RAD54L: variants seen among roughly 807,000 people sequenced by gnomAD.
RAD54L encodes the protein RAD54 like.
In RAD54L, 74 loss-of-function variants were observed where a neutral mutation model predicts 91.6. That is an observed-to-expected ratio of 0.81 (90% CI 0.67 to 0.98). The LOEUF (loss-of-function observed/expected upper bound fraction) is 0.98. RAD54L is among the 50% of genes least tolerant of loss of function. The pLI is 0.00. For synonymous variants in RAD54L, 304 were observed against 349.7 expected (o/e 0.87, Z 1.46); for missense variants, 887 against 945.7 (o/e 0.94, Z 0.81).
chr1:46,257,143 C>CAAA (rs576146179), intron 3 of RAD54L, among the ~76,000 whole-genome samples: 17 of 54,340 alleles, frequency 3.1e-4, no homozygotes, highest in African/African-American at 7.7e-4. Flanking sequence ...GACTCCATCT[C>CAAA]AAAAAAAAAA....
At chr1:46,269,657 C>T (rs1278208083) in intron 9 of RAD54L, among the ~76,000 whole-genome samples, 1 of 152,214 alleles carries the variant, frequency 6.6e-6, no homozygotes, top group Non-Finnish European at 1.5e-5. Flanking sequence ...TATACACCTA[C>T]TGCCTGCCAT....
At chr1:46,269,177 A>G (rs574535056) in intron 9 of RAD54L, among the ~76,000 whole-genome samples, 2 of 152,026 alleles carry the variant, frequency 1.3e-5, no homozygotes, top group South Asian at 4.2e-4. Flanking sequence ...ATGTTCATAT[A>G]TGTGTTGCTC....
At chr1:46,250,621 G>A (rs566569040) in intron 3 of RAD54L, among the ~76,000 whole-genome samples, 2 of 152,294 alleles carry the variant, frequency 1.3e-5, no homozygotes, top group East Asian at 3.9e-4. Flanking sequence ...GGAATGTTTT[G>A]AAGGAAAAGT....
chr1:46,260,409 A>T, intron 5 of RAD54L, 133 bp from the exon 6 acceptor site: 1 of 1,001,634 alleles, frequency 1.0e-6, no homozygotes, highest in Non-Finnish European at 1.6e-6. Flanking sequence ...CTATGGTTTT[A>T]CGATTTATCA....
intron 9 of RAD54L, 134 bp downstream of exon 9, chr1:46,267,743 C>T (rs1660306768): frequency 4.0e-6 from 5 of 1,245,620 alleles, no homozygotes; most frequent in Middle Eastern, 2.6e-4. Flanking sequence ...AGGAAGGCTT[C>T]TCTTGTCAGG....
Position 46,248,383 on chromosome 1 carries a change from C to T in RAD54L, c.-23C>T, listed in dbSNP as rs768807845. On this transcript the variant is annotated 5_prime_UTR_variant, in exon 1 of 18. In the 5' UTR this introduces an upstream ATG that the reference lacks. Transcript: ENST00000371975. ...TGACCTTTGGCTCATGGGTACTTGA[C>T]GTTTTAAACTCCTAGGCCCAGGATG... The T allele has an allele frequency of 6.2e-7, 1 of 1,613,496 alleles. No individual in the cohort carries two copies. The highest frequency in any genetic ancestry group is 1.1e-5 in the South Asian group (1 of 91,020).
rs1457825036 is a variant in RAD54L, at chr1:46,277,836, A to T, written c.1889A>T (p.Lys630Met). 6.2e-7 allele frequency: 1 copy of T among 1,611,356 alleles called. No homozygotes were observed. Among genetic ancestry groups the T allele is most frequent in the Admixed American group, 1.7e-5 (1 of 60,016 alleles). The change falls in exon 17 of 18, where the codon AAG (lysine) becomes ATG (methionine). Residue 630 changes from lysine to methionine, a missense_variant. Transcript: ENST00000371975. ...CCCCAGGCAGGGACCATTGAGGAGA[A>T]GATCTTCCAGCGTCAGAGCCACAAG... Reference protein sequence around the residue: ...RLLSAGTIEEKIFQRQSHKKA... With the variant: ...RLLSAGTIEEMIFQRQSHKKA...
chr1:46,273,376 A>T lies in RAD54L; in HGVS notation c.1397A>T (p.Lys466Met). Residue 466 changes from lysine (K) to methionine (M), a missense_variant, in exon 13 of 18, where the codon AAG (lysine) becomes ATG (methionine). Transcript: ENST00000371975. ...CCAGATCCAGCTCTAATCTATGATAAGTGTGTGGAAGAGGAGGATGGCTTT... is the reference window on the plus strand; with the variant it reads ...CCAGATCCAGCTCTAATCTATGATATGTGTGTGGAAGAGGAGGATGGCTTT... The part of the protein sequence containing the change: ...LCNHPALIYD[K>M]CVEEEDGFVG... 1 of 1,613,276 alleles carries T rather than the reference A, an allele frequency of 6.2e-7. No homozygotes were observed. The highest frequency in any genetic ancestry group is 8.5e-7 in the Non-Finnish European group (1 of 1,179,208).
intron 8 of RAD54L, among the ~76,000 whole-genome samples, chr1:46,262,835 C>T (rs1271945739): frequency 6.6e-6 from 1 of 152,054 alleles, no homozygotes; most frequent in Admixed American, 6.6e-5. Context: ...ATTTTGTTTT[C>T]CTTTCACAGG....
At chr1:46,277,091 G>A (rs1660630005) in intron 16 of RAD54L, among the ~76,000 whole-genome samples, 1 of 152,160 alleles carries the variant, frequency 6.6e-6, no homozygotes, top group Non-Finnish European at 1.5e-5. Flanking sequence ...CACCGTGCCT[G>A]TCCCCAAGGT....
intron 8 of RAD54L, among the ~76,000 whole-genome samples, chr1:46,264,396 C>T (rs1212791002): frequency 2.6e-5 from 4 of 152,238 alleles, no homozygotes; most frequent in Non-Finnish European, 5.9e-5. Context: ...CTCCCAGTAA[C>T]GCTTTTCTCT....
chr1:46,268,437 G>T (rs1660326873), intron 9 of RAD54L, among the ~76,000 whole-genome samples: 1 of 152,184 alleles, frequency 6.6e-6, no homozygotes, highest in Non-Finnish European at 1.5e-5. Flanking sequence ...TCAAGAGTAG[G>T]CAGAGAACCT....
At chr1:46,277,079 G>A (rs543626766) in intron 16 of RAD54L, among the ~76,000 whole-genome samples, 1 of 152,278 alleles carries the variant, frequency 6.6e-6, no homozygotes, top group South Asian at 2.1e-4. Context: ...ACAGGCGTGA[G>A]CCACCGTGCC....
chr1:46,249,180 G>A (rs745469456), intron 2 of RAD54L, among the ~76,000 whole-genome samples: 9 of 152,216 alleles, frequency 5.9e-5, no homozygotes, highest in Non-Finnish European at 8.8e-5. Flanking sequence ...AGCAGTTCAA[G>A]AAGTGGGGGC....
At chr1:46,272,628 G>A (rs1053895290) in intron 11 of RAD54L, 44 bp from the exon 12 acceptor site, 2 of 1,614,024 alleles carry the variant, frequency 1.2e-6, no homozygotes, top group African/African-American at 1.3e-5. Flanking sequence ...CAGAGGGCAG[G>A]AGGGTGGTCT....
In RAD54L at chr1:46,263,984, A is replaced by T. The variant is rs1308103585; in HGVS notation, c.891+2599A>T. On this transcript the variant is annotated intron_variant, in intron 8 of 17. Coordinates refer to ENST00000371975, the MANE Select transcript of RAD54L (RefSeq NM_003579.4). The surrounding 1 kb of genome is among the most constrained non-coding windows in gnomAD (Gnocchi z 4.3). ...GCTAATTTTTGTATTTTTAGTAGAG[A>T]TGGGGTTTCACCATGTTGGCCAGGC... 6.6e-6 allele frequency among the ~76,000 whole-genome samples: 1 copy of T among 152,106 alleles called. No homozygotes were observed. Among genetic ancestry groups the T allele is most frequent in the African/African-American group, 2.4e-5 (1 of 41,428 alleles).
rs372007047 is a variant in RAD54L, at chr1:46,278,268, C to T, written c.2230C>T (p.Arg744Trp). 13 of 1,612,680 alleles carry T rather than the reference C, an allele frequency of 8.1e-6. No homozygotes were observed. Among genetic ancestry groups the T allele is most frequent in the Middle Eastern group, 1.7e-4 (1 of 5,892 alleles). The stretch of plus-strand genomic sequence containing the variant: ...CCACCAGCGTTCTCATGAGGAGCAG[C>T]GGGGCCTCCGCTGATAACCAGCTGG... ...VFHQRSHEEQ[R>W]GLR Residue 744 changes from arginine (R) to tryptophan (W), a missense_variant, in exon 18 of 18, where the codon CGG becomes TGG. Arg to Trp is a moderately radical substitution (Grantham distance 101). Coordinates refer to ENST00000371975, the MANE Select transcript of RAD54L (RefSeq NM_003579.4).
At chr1:46,275,535 T>C (rs1045353451) in intron 16 of RAD54L, among the ~76,000 whole-genome samples, 2 of 152,142 alleles carry the variant, frequency 1.3e-5, no homozygotes, top group Non-Finnish European at 1.5e-5. Flanking sequence ...CAATACCCAT[T>C]CCAATTGGAT....
At chr1:46,255,600 G>C (rs1659920211) in intron 3 of RAD54L, among the ~76,000 whole-genome samples, 1 of 150,150 alleles carries the variant, frequency 6.7e-6, no homozygotes, top group South Asian at 2.1e-4. Flanking sequence ...CCAGGTTCAA[G>C]TGATTCTTGT....
Sources: gnomAD v4.1 joint callset for allele counts (sites outside exome capture counted in the v4.1 genomes callset) on GRCh38, gnomAD v4.1.1 for gene constraint, Gnocchi (gnomAD v3.1) non-coding constraint, MANE v1.5 for transcripts, NCBI Gene and HGNC (gene_info 2026-07-23, HGNC 2026-07-21) for gene names.